Variants in TG observed in about 807,000 individuals in gnomAD.
TG encodes the protein thyroid hormones.
In TG, 270 loss-of-function variants were observed where a neutral mutation model predicts 324.7. The observed-to-expected ratio is 0.83, with a 90% CI of 0.75 to 0.92. The LOEUF is 0.92. Ranked by LOEUF, TG falls within the 40% of genes least tolerant of loss-of-function variation. The pLI is 0.00. For missense variants in TG, 3,591 were observed against 3,456.4 expected, an observed-to-expected ratio of 1.04 and a Z score of -0.98; for synonymous variants, 1,401 against 1,327.0, an observed-to-expected ratio of 1.06 and a Z score of -1.21.
intron 10 of TG, among the ~76,000 whole-genome samples, chr8:132,893,386 TG>T (rs1222288056): frequency 6.8e-5 from 9 of 132,474 alleles, no homozygotes; most frequent in South Asian, 5.1e-4. Context: ...GTGTGTAGTG[TG>T]GGGGGGTGGT....
chr8:133,081,725 A>T (rs1472389331), intron 41 of TG, among the ~76,000 whole-genome samples: 1 of 95,576 alleles, frequency 1.0e-5, no homozygotes, highest in Non-Finnish European at 2.7e-5. Context: ...GGGAGATCTT[A>T]CTGTTCTCAG....
chr8:133,075,825 G>A (rs748344601), intron 41 of TG, among the ~76,000 whole-genome samples: 15 of 152,026 alleles, frequency 9.9e-5, no homozygotes, highest in Admixed American at 3.9e-4. Context: ...GAAGGCAAAC[G>A]GGACAAAATG....
intron 5 of TG, 115 bp from the exon 6 acceptor site, chr8:132,881,748 A>C (rs1378680157): frequency 1.0e-5 from 8 of 773,080 alleles, no homozygotes; most frequent in Non-Finnish European, 1.9e-5. Flanking sequence ...TCATGTGATA[A>C]GAAAGTAGAC....
rs1347481158 is a variant in TG at position 133,132,523 on chromosome 8, C to G, written c.7997+577C>G. Among the ~76,000 whole-genome samples, 3 of 152,308 alleles carry G rather than the reference C, an allele frequency of 2.0e-5. No individual in the cohort carries two copies. In the East Asian group the frequency reaches 5.8e-4, roughly 29 times the overall value. ...CAGTCCAATGAAGTATACTCGCTGT[C>G]CCCACCTGCAGAATTGGTTCCTGCT... On this transcript the variant is annotated intron_variant, in intron 46 of 47. Coordinates refer to ENST00000220616, the MANE Select transcript of TG (RefSeq NM_003235.5).
At chr8:133,025,003 A>T (rs1835946118) in intron 40 of TG, among the ~76,000 whole-genome samples, 1 of 152,152 alleles carries the variant, frequency 6.6e-6, no homozygotes, top group Non-Finnish European at 1.5e-5. Context: ...TACTAGAGAG[A>T]CACAGGCCAT....
intron 20 of TG, among the ~76,000 whole-genome samples, chr8:132,916,288 A>AT (rs1820277243): frequency 6.6e-6 from 1 of 152,212 alleles, no homozygotes; most frequent in Non-Finnish European, 1.5e-5. Context: ...AGCACTTAGT[A>AT]AACTCTTGGC....
At chr8:133,074,007 C>A (rs1844481127) in intron 41 of TG, among the ~76,000 whole-genome samples, 1 of 152,110 alleles carries the variant, frequency 6.6e-6, no homozygotes, top group Admixed American at 6.5e-5. Flanking sequence ...CATGCACAGC[C>A]CCAAATGAGG....
At chr8:133,088,021 G>A (rs999189213) in intron 41 of TG, among the ~76,000 whole-genome samples, 14 of 152,190 alleles carry the variant, frequency 9.2e-5, no homozygotes, top group African/African-American at 2.9e-4. Flanking sequence ...AGAAAGTAGC[G>A]GTTTCAATAA....
chr8:133,031,841 AT>A (rs942444489), intron 41 of TG, among the ~76,000 whole-genome samples: 1 of 151,950 alleles, frequency 6.6e-6, no homozygotes, highest in Non-Finnish European at 1.5e-5. Context: ...GTTTTTCCCC[AT>A]CCCCCTCTTT....
At chr8:132,933,222 G>T (rs1412427385) in intron 23 of TG, among the ~76,000 whole-genome samples, 2 of 19,620 alleles carry the variant, frequency 1.0e-4, no homozygotes, top group East Asian at 9.5e-4. Flanking sequence ...GTATTTGGAG[G>T]TGTGTGTATT....
At chr8:133,107,211 C>T in intron 43 of TG, among the ~76,000 whole-genome samples, 1 of 152,186 alleles carries the variant, frequency 6.6e-6, no homozygotes, top group East Asian at 1.9e-4. Context: ...TCTGAGGCCA[C>T]AGAATAGAGC....
chr8:132,967,640 G>A (rs1828822657), intron 30 of TG, among the ~76,000 whole-genome samples, 154 bp from the exon 31 acceptor site: 1 of 152,120 alleles, frequency 6.6e-6, no homozygotes, highest in African/African-American at 2.4e-5. Flanking sequence ...TTTTGCATGG[G>A]CCTTCCAGAC....
intron 41 of TG, chr8:133,059,144 C>T (rs559220065): frequency 4.8e-5 from 22 of 456,278 alleles, no homozygotes; most frequent in Middle Eastern, 3.3e-4. Flanking sequence ...CAGTGAACTC[C>T]GCCCAGGGCG....
At chr8:133,003,024 AG>A (rs1457826238) in intron 35 of TG, 1 of 1,036,468 alleles carries the variant, frequency 9.6e-7, no homozygotes, top group Non-Finnish European at 1.2e-6. Flanking sequence ...GTTTTCCAAA[AG>A]GCTTGGAGAA....
intron 41 of TG, among the ~76,000 whole-genome samples, chr8:133,094,215 T>A (rs1848047010): frequency 6.6e-6 from 1 of 151,722 alleles, no homozygotes. Flanking sequence ...CCACTTTCAT[T>A]ATTAGAAAGA....
intron 43 of TG, among the ~76,000 whole-genome samples, chr8:133,105,307 AGAG>A (rs1263219257): frequency 6.6e-6 from 1 of 152,168 alleles, no homozygotes; most frequent in African/African-American, 2.4e-5. Context: ...CCAGTGTGGT[AGAG>A]GAGATGTGCT....
chr8:132,924,048 T>A (rs1385562484), intron 22 of TG, among the ~76,000 whole-genome samples: 2 of 152,058 alleles, frequency 1.3e-5, no homozygotes, highest in Non-Finnish European at 1.5e-5. Context: ...TTGTAATATA[T>A]AATGAAATAA....
chr8:132,988,795 C>T, intron 35 of TG: 8 of 985,428 alleles, frequency 8.1e-6, no homozygotes, highest in Non-Finnish European at 9.6e-6. Flanking sequence ...GATCGTCGCA[C>T]CCCTTCCCTG....
chr8:133,006,661 C>A (rs140520545), intron 35 of TG, among the ~76,000 whole-genome samples: 1 of 152,366 alleles, frequency 6.6e-6, no homozygotes, highest in Non-Finnish European at 1.5e-5. Flanking sequence ...GGAGGCATAT[C>A]CTTGCTAGAC....
Sources: allele counts gnomAD v4.1 joint callset (sites outside exome capture counted in the v4.1 genomes callset), GRCh38; gene constraint gnomAD v4.1.1; transcripts MANE v1.5; gene names NCBI Gene and HGNC (gene_info 2026-07-23, HGNC 2026-07-21).